PTPRD: variants seen among roughly 807,000 people sequenced by gnomAD.
The protein encoded by PTPRD is receptor-type tyrosine-protein phosphatase delta.
In PTPRD, 34 loss-of-function variants were observed where a neutral mutation model predicts 214.5. The observed-to-expected ratio is 0.16, with a 90% confidence interval of 0.12 to 0.21. The LOEUF (loss-of-function observed/expected upper bound fraction) is 0.21, where lower values mean the gene tolerates loss of function less well. PTPRD is among the 10% of genes least tolerant of loss of function. PTPRD has a pLI of 1.00. For synonymous variants in PTPRD, 1,128 were observed against 845.7 expected (o/e 1.33, Z -5.79); for missense variants, 2,545 against 2,398.7 (o/e 1.06, Z -1.27).
chr9:9,023,651 T>C (rs1025690460), intron 10 of PTPRD, among the ~76,000 whole-genome samples: 14 of 151,826 alleles, frequency 9.2e-5, no homozygotes, highest in Non-Finnish European at 1.8e-4. Flanking sequence ...TCAGCTCACA[T>C]CCCCCGCTCT....
intron 8 of PTPRD, among the ~76,000 whole-genome samples, chr9:9,418,861 T>C (rs935548050): frequency 6.6e-6 from 1 of 151,946 alleles, no homozygotes; most frequent in African/African-American, 2.4e-5. Context: ...TAATTTTGCA[T>C]GGAACTTCAA....
intron 5 of PTPRD, among the ~76,000 whole-genome samples, chr9:9,909,180 A>T (rs971668414): frequency 6.6e-6 from 1 of 151,978 alleles, no homozygotes; most frequent in Non-Finnish European, 1.5e-5. Context: ...AAATTAAATG[A>T]AGCAGCACAT....
At position 9,229,382 on chromosome 9, in the gene PTPRD, G is replaced by A. The variant is rs537321018; in HGVS notation, c.-202-46019C>T. ...CAGATAGGAAGACCATGTGAGCTGTGGCCAGGAAGAACAGCAATGCCTCAT... is the reference window on the plus strand; with the variant it reads ...CAGATAGGAAGACCATGTGAGCTGTAGCCAGGAAGAACAGCAATGCCTCAT... On this transcript the variant is annotated intron_variant, in intron 9 of 45. Coordinates refer to ENST00000381196, the MANE Select transcript of PTPRD (RefSeq NM_002839.4). Among the ~76,000 whole-genome samples, 4 of 152,156 alleles carry A rather than the reference G, an allele frequency of 2.6e-5. No homozygotes were observed. In the East Asian group the frequency reaches 7.8e-4, roughly 30 times the overall value.
intron 14 of PTPRD, among the ~76,000 whole-genome samples, chr9:8,584,516 T>A (rs747998986): frequency 3.1e-4 from 47 of 152,188 alleles, no homozygotes; most frequent in Non-Finnish European, 6.2e-4. Flanking sequence ...TCCCTCAAAA[T>A]GTGGCATTCT....
At chr9:9,076,546 A>C (rs1295273295) in intron 10 of PTPRD, among the ~76,000 whole-genome samples, 1 of 152,086 alleles carries the variant, frequency 6.6e-6, no homozygotes, top group Non-Finnish European at 1.5e-5. Context: ...GTGAGAACAT[A>C]TAATGTTCGT....
At chr9:8,875,800 C>T (rs541989941) in intron 11 of PTPRD, among the ~76,000 whole-genome samples, 113 of 152,246 alleles carry the variant, frequency 7.4e-4, no homozygotes, top group Non-Finnish European at 1.5e-3. Context: ...AATCCTGGCT[C>T]AGCTACTTAA....
At chr9:10,428,012 T>C (rs1306105333) in intron 2 of PTPRD, among the ~76,000 whole-genome samples, 1 of 152,066 alleles carries the variant, frequency 6.6e-6, no homozygotes, top group Non-Finnish European at 1.5e-5. Flanking sequence ...AAATACAATT[T>C]AAACCTCATT....
At chr9:9,810,442 T>A (rs1225953803) in intron 5 of PTPRD, among the ~76,000 whole-genome samples, 1 of 152,068 alleles carries the variant, frequency 6.6e-6, no homozygotes, top group African/African-American at 2.4e-5. Flanking sequence ...ATAGGTTGAA[T>A]CCAATGCTGA....
At chr9:9,154,981 G>A (rs1031095270) in intron 10 of PTPRD, among the ~76,000 whole-genome samples, 4 of 152,184 alleles carry the variant, frequency 2.6e-5, no homozygotes, top group Non-Finnish European at 5.9e-5. Flanking sequence ...GTTGCATTAT[G>A]AGATTCATAG....
chr9:8,668,943 G>C (rs1423661920), intron 12 of PTPRD, among the ~76,000 whole-genome samples: 2 of 152,100 alleles, frequency 1.3e-5, no homozygotes, highest in South Asian at 2.1e-4. Context: ...CCTGCTACAA[G>C]TACCTCCCCT....
intron 12 of PTPRD, among the ~76,000 whole-genome samples, chr9:8,722,092 T>C (rs1448674528): frequency 1.3e-5 from 2 of 151,724 alleles, no homozygotes; most frequent in African/African-American, 4.8e-5. Context: ...AAATGTTAAA[T>C]AGCTGATTTC....
chr9:9,441,917 C>T (rs185377578), intron 8 of PTPRD: 75 of 152,330 alleles, frequency 4.9e-4, no homozygotes, highest in African/African-American at 1.8e-3. Context: ...CAGGGGTGTT[C>T]TCCTTTGCTT....
intron 10 of PTPRD, among the ~76,000 whole-genome samples, chr9:9,019,248 T>C (rs2099549948): frequency 7.6e-6 from 1 of 130,818 alleles, no homozygotes; most frequent in Admixed American, 8.3e-5. Flanking sequence ...CAGACTATGA[T>C]AATAATGTTA....
At chr9:10,162,589 G>A (rs1479260196) in intron 3 of PTPRD, among the ~76,000 whole-genome samples, 1 of 149,222 alleles carries the variant, frequency 6.7e-6, no homozygotes, top group Non-Finnish European at 1.5e-5. Context: ...GAATGGGTAC[G>A]AACTAACAGT....
chr9:9,947,501 T>TATATATATATAATATATATA (rs2092856337), intron 4 of PTPRD, among the ~76,000 whole-genome samples: 1 of 22,756 alleles, frequency 4.4e-5, no homozygotes, highest in African/African-American at 1.8e-4. Flanking sequence ...TTATATATAT[T>TATATATATATAATATATATA]TTATATATAT....
At chr9:8,634,611 T>C (rs993385927) in intron 13 of PTPRD, among the ~76,000 whole-genome samples, 1 of 152,074 alleles carries the variant, frequency 6.6e-6, no homozygotes, top group Non-Finnish European at 1.5e-5. Context: ...TTCAACTCTA[T>C]AAAGCATACA....
chr9:9,208,323 T>C (rs894793990), intron 9 of PTPRD, among the ~76,000 whole-genome samples: 1 of 151,880 alleles, frequency 6.6e-6, no homozygotes, highest in Non-Finnish European at 1.5e-5. Context: ...CATCTGCTTG[T>C]ATTTTTTTAA....
At chr9:8,921,650 C>T (rs1241716684) in intron 11 of PTPRD, among the ~76,000 whole-genome samples, 2 of 151,934 alleles carry the variant, frequency 1.3e-5, no homozygotes, top group Admixed American at 6.6e-5. Context: ...TGTGCCACCA[C>T]ACTCAGCTAA....
chr9:9,451,314 C>G (rs1455507668), intron 8 of PTPRD, among the ~76,000 whole-genome samples: 1 of 151,724 alleles, frequency 6.6e-6, no homozygotes, highest in Non-Finnish European at 1.5e-5. Flanking sequence ...AACACTTCAT[C>G]TGTCTTGATT....
Sources: gnomAD v4.1 joint callset for allele counts (sites outside exome capture counted in the v4.1 genomes callset) on GRCh38, gnomAD v4.1.1 for gene constraint, MANE v1.5 for transcripts, NCBI Gene and HGNC (gene_info 2026-07-23, HGNC 2026-07-21) for gene names.